MGAT4C: variants seen among roughly 807,000 people sequenced by gnomAD.
The protein encoded by MGAT4C is MGAT4 family member C.
Under a neutral mutation model 40.1 loss-of-function variants are expected in MGAT4C, and 19 were observed. The observed-to-expected ratio is 0.47, with a 90% CI of 0.33 to 0.70. The LOEUF is 0.70. Among genes scored for constraint, MGAT4C ranks in the 30% least tolerant of loss-of-function variants. The probability of loss-of-function intolerance (pLI) is 0.02; values close to 1 mark genes in which losing one functional copy is unlikely to be tolerated. For synonymous variants in MGAT4C, 181 were observed against 187.1 expected (o/e 0.97, Z 0.27); for missense variants, 491 against 563.2 (o/e 0.87, Z 1.30).
At chr12:86,747,047 A>C (rs1322985263) in intron 1 of MGAT4C, among the ~76,000 whole-genome samples, 4 of 151,556 alleles carry the variant, frequency 2.6e-5, no homozygotes, top group African/African-American at 9.7e-5. Context: ...GGTGGCACTA[A>C]ACTTGGAACC....
chr12:86,651,391 C>T (rs1963693026), intron 2 of MGAT4C, among the ~76,000 whole-genome samples: 1 of 151,642 alleles, frequency 6.6e-6, no homozygotes, highest in Non-Finnish European at 1.5e-5. Flanking sequence ...ATTTTAAAAT[C>T]CAACAATTTA....
At chr12:86,087,434 C>G (rs1182001500) in intron 1 of MGAT4C, among the ~76,000 whole-genome samples, 1 of 151,928 alleles carries the variant, frequency 6.6e-6, no homozygotes, top group Non-Finnish European at 1.5e-5. Context: ...ACAATTCCAC[C>G]ATATAGTCTA....
chr12:86,703,268 T>C (rs1950395940), intron 2 of MGAT4C, among the ~76,000 whole-genome samples: 1 of 152,190 alleles, frequency 6.6e-6, no homozygotes, highest in Admixed American at 6.6e-5. Flanking sequence ...TAAACATAAT[T>C]GATAAAGCTG....
At chr12:86,690,912 C>A (rs985897731) in intron 2 of MGAT4C, among the ~76,000 whole-genome samples, 1 of 152,094 alleles carries the variant, frequency 6.6e-6, no homozygotes, top group African/African-American at 2.4e-5. Flanking sequence ...ATATTTTTAA[C>A]CTGTTTGCAT....
In MGAT4C at chr12:86,715,229, T is replaced by C. The variant is rs2136637266; in HGVS notation, c.-229+11980A>G. Among the ~76,000 whole-genome samples the C allele has an allele frequency of 2.0e-5, 3 of 152,276 alleles. No homozygotes were observed. The Middle Eastern group carries it at 0.01, about 518-fold the overall frequency. On this transcript the variant is annotated intron_variant, in intron 2 of 7. Coordinates refer to the MGAT4C transcript ENST00000548651. ...TCAGTTATAACAGCTGTCTTTTCTA[T>C]TACTTAAACATACTTTGTAATTTTT...
At chr12:86,718,880 A>C (rs1950693699) in intron 2 of MGAT4C, among the ~76,000 whole-genome samples, 1 of 152,140 alleles carries the variant, frequency 6.6e-6, no homozygotes, top group South Asian at 2.1e-4. Context: ...ATTCTTTTCT[A>C]TGAAACTAGT....
At chr12:86,543,750 A>C (rs894270144) in intron 2 of MGAT4C, among the ~76,000 whole-genome samples, 1 of 152,176 alleles carries the variant, frequency 6.6e-6, no homozygotes, top group African/African-American at 2.4e-5. Context: ...GCAAAAGATA[A>C]TCCAAAATCT....
chr12:86,296,840 C>T (rs1181660690), intron 4 of MGAT4C, among the ~76,000 whole-genome samples: 2 of 152,224 alleles, frequency 1.3e-5, no homozygotes, highest in East Asian at 1.9e-4. Context: ...AAGGGGCTCC[C>T]ACAGTGCAGT....
At chr12:86,084,680 A>G (rs1871411638) in intron 1 of MGAT4C, among the ~76,000 whole-genome samples, 1 of 151,656 alleles carries the variant, frequency 6.6e-6, no homozygotes, top group Non-Finnish European at 1.5e-5. Flanking sequence ...GTATTTGTAT[A>G]CTGTATGGGA....
rs138746475 is a variant in MGAT4C at position 86,001,752 on chromosome 12, T to C, written c.-6-12200A>G. 425 of 465,400 alleles carry C rather than the reference T, an allele frequency of 9.1e-4. 1 individual carries two copies. The highest frequency in any genetic ancestry group is 8.6e-3 in the African/African-American group (405 of 47,084). 28.8% of individuals were successfully genotyped at this position (465,400 alleles called of 1,614,324 possible). ...TTCTGTCTTTGAGTGGGAATTTACT[T>C]CTTGAATCCCTGAGCTGAAATATTT... On this transcript the variant is annotated intron_variant, in intron 2 of 4. Transcript: ENST00000611864.
intron 1 of MGAT4C, among the ~76,000 whole-genome samples, chr12:86,159,402 GT>G (rs1310193282): frequency 6.7e-6 from 1 of 148,782 alleles, no homozygotes; most frequent in Non-Finnish European, 1.5e-5. Flanking sequence ...ACATTTTGAT[GT>G]GCTGCTGGAT....
intron 2 of MGAT4C, among the ~76,000 whole-genome samples, chr12:86,032,045 C>T (rs1418891647): frequency 6.6e-6 from 1 of 151,928 alleles, no homozygotes. Flanking sequence ...TGTTAGTTCA[C>T]TTAGGATAAT....
At chr12:86,808,469 T>C (rs960363235) in intron 1 of MGAT4C, among the ~76,000 whole-genome samples, 1 of 152,016 alleles carries the variant, frequency 6.6e-6, no homozygotes, top group African/African-American at 2.4e-5. Context: ...GCAAGGCTGG[T>C]TCAATATACA....
chr12:86,312,764 T>A (rs1410708539), intron 4 of MGAT4C, among the ~76,000 whole-genome samples: 1 of 152,150 alleles, frequency 6.6e-6, no homozygotes, highest in Non-Finnish European at 1.5e-5. Flanking sequence ...TCATTTTAGC[T>A]GAAATGATTA....
chr12:86,587,065 T>C (rs1407595000), intron 2 of MGAT4C, among the ~76,000 whole-genome samples: 15 of 151,814 alleles, frequency 9.9e-5, no homozygotes, highest in African/African-American at 3.6e-4. Flanking sequence ...AGGTTTTCTT[T>C]TAGGGTTTTT....
chr12:86,317,484 C>T (rs1463103394), intron 4 of MGAT4C, among the ~76,000 whole-genome samples: 2 of 151,842 alleles, frequency 1.3e-5, no homozygotes, highest in Non-Finnish European at 2.9e-5. Context: ...ATTGTTGAGA[C>T]ATTTATATGT....
intron 2 of MGAT4C, among the ~76,000 whole-genome samples, chr12:86,040,590 A>C (rs1163224260): frequency 6.6e-6 from 1 of 152,134 alleles, no homozygotes; most frequent in African/African-American, 2.4e-5. Context: ...CTCCTCACCA[A>C]GCTTGAGTGT....
At chr12:86,787,955 G>C (rs1951960027) in intron 1 of MGAT4C, among the ~76,000 whole-genome samples, 2 of 152,082 alleles carry the variant, frequency 1.3e-5, no homozygotes, top group Non-Finnish European at 2.9e-5. Context: ...ACTGTGTTTA[G>C]ATTTTAAAAA....
At chr12:86,073,913 G>A (rs1042713235) in intron 1 of MGAT4C, among the ~76,000 whole-genome samples, 1 of 152,154 alleles carries the variant, frequency 6.6e-6, no homozygotes, top group South Asian at 2.1e-4. Context: ...TGAAATGTGA[G>A]GACATGAGAT....
Sources: allele counts gnomAD v4.1 joint callset (sites outside exome capture counted in the v4.1 genomes callset), GRCh38; gene constraint gnomAD v4.1.1; transcripts MANE v1.5; gene names NCBI Gene and HGNC (gene_info 2026-07-23, HGNC 2026-07-21).